SNX25: variants seen among roughly 807,000 people sequenced by gnomAD.
The protein encoded by SNX25 is sorting nexin 25, also known as sorting nexin-25.
Under a neutral mutation model 113.7 loss-of-function variants are expected in SNX25, and 62 were observed. The observed-to-expected ratio is 0.55, with a 90% CI of 0.44 to 0.67. The LOEUF is 0.67. SNX25 is among the 30% of genes least tolerant of loss of function. The probability of loss-of-function intolerance (pLI) is 0.00; values close to 1 mark genes in which losing one functional copy is unlikely to be tolerated. For missense variants in SNX25, 1,014 were observed against 1,161.0 expected, an observed-to-expected ratio of 0.87 and a Z score of 1.84; for synonymous variants, 421 against 436.2, an observed-to-expected ratio of 0.97 and a Z score of 0.43.
At chr4:185,293,918 A>G (rs1164544111) in intron 6 of SNX25, among the ~76,000 whole-genome samples, 2 of 152,220 alleles carry the variant, frequency 1.3e-5, no homozygotes, top group Non-Finnish European at 2.9e-5. Flanking sequence ...AAAACTTTAA[A>G]AAATATCTTT....
At chr4:185,272,988 A>G (rs909639288) in intron 5 of SNX25, among the ~76,000 whole-genome samples, 1 of 152,152 alleles carries the variant, frequency 6.6e-6, no homozygotes, top group African/African-American at 2.4e-5. Flanking sequence ...CCTTGCCCCT[A>G]CCCACTGAAT....
At chr4:185,255,824 C>T (rs932819293) in intron 2 of SNX25, among the ~76,000 whole-genome samples, 2 of 152,194 alleles carry the variant, frequency 1.3e-5, no homozygotes, top group African/African-American at 4.8e-5. Flanking sequence ...ACGAAACTCA[C>T]TTACTATGTA....
At chr4:185,256,934 C>T (rs3108228) in intron 2 of SNX25, among the ~76,000 whole-genome samples, 68,916 of 151,684 alleles carry the variant, frequency 0.45, 16,525 homozygotes, top group East Asian at 0.57. Flanking sequence ...AATTTATTAT[C>T]CTGAAGCTTC....
At chr4:185,374,144 C>G (rs552283919), downstream of SNX25, 4 of 1,613,654 alleles carry the variant, frequency 2.5e-6, no homozygotes, top group Non-Finnish European at 3.4e-6. Flanking sequence ...CCTTTTCTAA[C>G]TCCTTGGGCT....
intron 13 of SNX25, among the ~76,000 whole-genome samples, chr4:185,347,366 C>T (rs1256292661): frequency 6.6e-6 from 1 of 152,166 alleles, no homozygotes; most frequent in Non-Finnish European, 1.5e-5. Flanking sequence ...CACATCCTCA[C>T]CAACACTTAT....
At chr4:185,250,076 T>G (rs1272136272) in intron 2 of SNX25, among the ~76,000 whole-genome samples, 31 of 152,222 alleles carry the variant, frequency 2.0e-4, no homozygotes, top group Admixed American at 2.0e-3. Flanking sequence ...TTTATCTTCC[T>G]CTGAAGAGGT....
chr4:185,205,799 A>C (rs553327572), upstream of SNX25, among the ~76,000 whole-genome samples: 12 of 152,352 alleles, frequency 7.9e-5, no homozygotes, highest in South Asian at 2.5e-3. Flanking sequence ...ATTGTACTCC[A>C]GCCTGGGCGA....
intron 11 of SNX25, among the ~76,000 whole-genome samples, 198 bp downstream of exon 11, chr4:185,339,708 G>T (rs1449335432): frequency 6.6e-6 from 1 of 152,116 alleles, no homozygotes; most frequent in African/African-American, 2.4e-5. Context: ...GCTTGGTATA[G>T]ATCTGATCTC....
chr4:185,231,699 G>A (rs866508264), intron 1 of SNX25, among the ~76,000 whole-genome samples: 18 of 130,754 alleles, frequency 1.4e-4, no homozygotes, highest in Middle Eastern at 7.4e-3. Flanking sequence ...CGACAGAGTG[G>A]GACTCCATCT....
chr4:185,258,860 G>T lies in SNX25; in HGVS notation c.527G>T (p.Ser176Ile). The T allele has an allele frequency of 6.2e-7, 1 of 1,613,634 alleles. No individual in the cohort carries two copies. The highest frequency in any genetic ancestry group is 8.5e-7 in the Non-Finnish European group (1 of 1,179,588). ...TTATTCCTGGTAGTGTTCGACTACA[G>T]TTATAGAGATTACATTCTGTCCTGG... ...DKALKEVFDY[S>I]YRDYILSWYG... The change falls in exon 3 of 19, where the codon AGT (serine) becomes ATT (isoleucine). Residue 176 changes from serine (S) to isoleucine (I), a missense_variant. Physicochemically the swap from Ser to Ile is moderately radical, Grantham distance 142. Transcript: ENST00000652585.
intron 5 of SNX25, among the ~76,000 whole-genome samples, chr4:185,274,950 G>A (rs1370116400): frequency 2.0e-5 from 3 of 152,152 alleles, no homozygotes; most frequent in Non-Finnish European, 2.9e-5. Context: ...AGCCAGGTGG[G>A]CAGAAAACAG....
rs1420958242 is a variant in SNX25, at chr4:185,258,901, A to G, written c.568A>G (p.Arg190Gly). 1 of 1,614,052 alleles carries G rather than the reference A, an allele frequency of 6.2e-7. No individual in the cohort carries two copies. The highest frequency in any genetic ancestry group is 1.3e-5 in the African/African-American group (1 of 74,940). Reference sequence around the variant, plus strand: ...TCTGTCCTGGTATGGAAACCTCAGCAGAGATGAGGGACAACTTTACCATCT... The same window carrying G: ...TCTGTCCTGGTATGGAAACCTCAGCGGAGATGAGGGACAACTTTACCATCT... The part of the protein sequence containing the change: ...YILSWYGNLS[R>G]DEGQLYHLLL... Residue 190 changes from arginine to glycine, a missense_variant, in exon 3 of 19, where the codon AGA becomes GGA. Coordinates refer to ENST00000652585, the MANE Select transcript of SNX25 (RefSeq NM_001378034.2).
In SNX25 at chr4:185,216,044, G is replaced by A. The variant is rs113986552; in HGVS notation, c.429+5789G>A. ...ATTTCTGAGCTCAAGTGATCCACCCGTCTTGGCCTCCCAAAGTGCTGGGAT... is the reference window on the plus strand; with the variant it reads ...ATTTCTGAGCTCAAGTGATCCACCCATCTTGGCCTCCCAAAGTGCTGGGAT... On this transcript the variant is annotated intron_variant, in intron 1 of 18. Transcript: ENST00000652585. Among the ~76,000 whole-genome samples the A allele has an allele frequency of 5.9e-3, 900 of 152,144 alleles. 23 individuals carry two copies. Among genetic ancestry groups the A allele is most frequent in the South Asian group, 0.056 (272 of 4,816 alleles).
upstream of SNX25, among the ~76,000 whole-genome samples, chr4:185,208,203 G>A (rs3108238): frequency 0.45 from 68,622 of 151,628 alleles, 16,181 homozygotes; most frequent in East Asian, 0.59. Flanking sequence ...CCACCTCCGG[G>A]GTTCAAGTTT....
At chr4:185,299,269 G>A (rs1753288915) in intron 6 of SNX25, among the ~76,000 whole-genome samples, 1 of 152,184 alleles carries the variant, frequency 6.6e-6, no homozygotes, top group Non-Finnish European at 1.5e-5. Flanking sequence ...CACGTAGGTA[G>A]GTCAGATGAG....
downstream of SNX25, among the ~76,000 whole-genome samples, chr4:185,374,737 G>T (rs1172044986): frequency 6.6e-6 from 1 of 152,088 alleles, no homozygotes; most frequent in Non-Finnish European, 1.5e-5. Context: ...TTTAAGTCTC[G>T]ATATGGGCTT....
At chr4:185,215,434 G>A (rs1361738997) in intron 1 of SNX25, among the ~76,000 whole-genome samples, 1 of 152,146 alleles carries the variant, frequency 6.6e-6, no homozygotes, top group Non-Finnish European at 1.5e-5. Context: ...GCTCCAGTTC[G>A]CTTGGATCAG....
chr4:185,299,456 C>A (rs1018626309), intron 6 of SNX25, among the ~76,000 whole-genome samples: 3 of 152,128 alleles, frequency 2.0e-5, no homozygotes, highest in Admixed American at 6.6e-5. Context: ...TCACCCCCAA[C>A]CCCTACCAAA....
downstream of SNX25, among the ~76,000 whole-genome samples, chr4:185,372,603 A>G (rs140904325): frequency 3.6e-4 from 55 of 152,328 alleles, no homozygotes; most frequent in African/African-American, 1.3e-3. Flanking sequence ...GTGTGATCGT[A>G]TCAAGAGGTG....
Sources: gnomAD v4.1 joint callset for allele counts (sites outside exome capture counted in the v4.1 genomes callset) on GRCh38, gnomAD v4.1.1 for gene constraint, MANE v1.5 for transcripts, NCBI Gene and HGNC (gene_info 2026-07-23, HGNC 2026-07-21) for gene names.